ARL6IP6: variants seen among roughly 807,000 people sequenced by gnomAD.
ARL6IP6 encodes the protein ADP-ribosylation factor-like protein 6-interacting protein 6.
Under a neutral mutation model 21.5 loss-of-function variants are expected in ARL6IP6, and 22 were observed. The observed-to-expected ratio is 1.02, with a 90% confidence interval of 0.73 to 1.46. ARL6IP6 has a LOEUF of 1.46. ARL6IP6 is among the 40% of genes most tolerant of loss of function. ARL6IP6 has a pLI of 0.00. For synonymous variants in ARL6IP6, 164 were observed against 125.3 expected, an observed-to-expected ratio of 1.31 and a Z score of -2.06; for missense variants, 388 against 299.8, an observed-to-expected ratio of 1.29 and a Z score of -2.17.
chr2:152,735,693 A>G (rs768667571), intron 3 of ARL6IP6, among the ~76,000 whole-genome samples: 26 of 152,204 alleles, frequency 1.7e-4, no homozygotes, highest in Non-Finnish European at 3.5e-4. Flanking sequence ...TAGTTTATTC[A>G]TGCCAGGAAA....
chr2:152,746,920 G>A (rs1285289970), intron 3 of ARL6IP6, among the ~76,000 whole-genome samples: 1 of 140,584 alleles, frequency 7.1e-6, no homozygotes, highest in African/African-American at 2.7e-5. Context: ...CAACTGCCTG[G>A]GCTCAAACAA....
At chr2:152,753,341 G>A (rs1701426518) in intron 3 of ARL6IP6, among the ~76,000 whole-genome samples, 1 of 152,066 alleles carries the variant, frequency 6.6e-6, no homozygotes, top group Non-Finnish European at 1.5e-5. Context: ...ATGCCTTATT[G>A]GTAAAACATC....
chr2:152,751,948 A>G (rs925846232), intron 3 of ARL6IP6, among the ~76,000 whole-genome samples: 1 of 152,228 alleles, frequency 6.6e-6, no homozygotes, highest in Non-Finnish European at 1.5e-5. Context: ...GAGAAACTTC[A>G]TACTGTTTTC....
At chr2:152,723,368 T>A (rs1699881671) in intron 2 of ARL6IP6, among the ~76,000 whole-genome samples, 1 of 152,256 alleles carries the variant, frequency 6.6e-6, no homozygotes, top group Non-Finnish European at 1.5e-5. Context: ...ATTAGGAACC[T>A]CGTAGCCAAA....
At position 152,759,853 on chromosome 2, in the gene ARL6IP6, G is replaced by A. The variant is rs1701753603; in HGVS notation, c.*13G>A. On this transcript the variant is annotated 3_prime_UTR_variant, in exon 4 of 4. Coordinates refer to ENST00000326446, the MANE Select transcript of ARL6IP6 (RefSeq NM_152522.7). ...GTGCCTCATGTAAACCCACACTGGA[G>A]CGATATTGTTGGCAAAACTTAATCA... is the stretch of plus-strand genomic sequence containing the variant. The A allele has an allele frequency of 4.4e-6, 7 of 1,603,446 alleles. No homozygotes were observed. Among genetic ancestry groups the A allele is most frequent in the South Asian group, 1.1e-5 (1 of 90,718 alleles).
chr2:152,735,075 C>T lies in ARL6IP6; in HGVS notation c.536C>T (p.Ser179Phe), dbSNP rs369276320. 3.3e-5 allele frequency: 53 copies of T among 1,613,492 alleles called. No individual in the cohort carries two copies. In the South Asian group the frequency reaches 5.4e-4, roughly 16 times the overall value. The change falls in exon 3 of 4, where the codon TCT becomes TTT. Residue 179 changes from serine to phenylalanine, a missense_variant. Physicochemically the swap from Ser to Phe is radical, Grantham distance 155. Transcript: ENST00000326446. ...TCTTGGACAGTGACTTACTTTGATT[C>T]TTTTGAACCAGGAATGTTTCCTCCT... ...SFSWTVTYFDSFEPGMFPPTP... is the reference protein window; with the variant it reads ...SFSWTVTYFDFFEPGMFPPTP...
chr2:152,733,150 A>G (rs1700400577), intron 2 of ARL6IP6, among the ~76,000 whole-genome samples: 1 of 152,188 alleles, frequency 6.6e-6, no homozygotes, highest in African/African-American at 2.4e-5. Flanking sequence ...GGTATCTGGT[A>G]TGGATCTAAC....
rs1390016276 is a variant in ARL6IP6, at chr2:152,762,037, C to A, written c.*2197C>A. ...TGACCCTCCTCTCTCCAGTCTGACACAGGGTCCAAATATAAATCATCTATA... is the reference window on the plus strand; with the variant it reads ...TGACCCTCCTCTCTCCAGTCTGACAAAGGGTCCAAATATAAATCATCTATA... On this transcript the variant is annotated 3_prime_UTR_variant, in exon 4 of 4. Coordinates refer to ENST00000326446, the MANE Select transcript of ARL6IP6 (RefSeq NM_152522.7). Among the ~76,000 whole-genome samples the A allele has an allele frequency of 6.6e-6, 1 of 152,144 alleles. No individual in the cohort carries two copies. The highest frequency in any genetic ancestry group is 1.9e-4 in the East Asian group (1 of 5,194).
At chr2:152,737,986 G>A (rs142016105) in intron 3 of ARL6IP6, among the ~76,000 whole-genome samples, 1,692 of 152,184 alleles carry the variant, frequency 0.011, 28 homozygotes, top group African/African-American at 0.039. Flanking sequence ...CTATGAGCCT[G>A]TAAAATTAAA....
chr2:152,737,758 C>T (rs1379852495), intron 3 of ARL6IP6, among the ~76,000 whole-genome samples: 1 of 152,162 alleles, frequency 6.6e-6, no homozygotes, highest in African/African-American at 2.4e-5. Flanking sequence ...CCCACACGGT[C>T]CCTCCCACAA....
intron 3 of ARL6IP6, 73 bp downstream of exon 3, chr2:152,735,199 A>G: frequency 1.3e-6 from 2 of 1,541,344 alleles, no homozygotes; most frequent in Non-Finnish European, 1.8e-6. Context: ...ACTCAGAAGC[A>G]AGAGGCTGAT....
chr2:152,733,839 A>G (rs978949340), intron 2 of ARL6IP6, among the ~76,000 whole-genome samples: 7 of 152,206 alleles, frequency 4.6e-5, no homozygotes, highest in African/African-American at 1.2e-4. Context: ...CTATCCCACT[A>G]GAATTACTTC....
intron 3 of ARL6IP6, among the ~76,000 whole-genome samples, chr2:152,743,157 A>G (rs565067244): frequency 6.6e-6 from 1 of 152,122 alleles, no homozygotes; most frequent in African/African-American, 2.4e-5. Flanking sequence ...CCACTTTAAG[A>G]CTGCACTCCA....
At chr2:152,751,194 G>A (rs958294945) in intron 3 of ARL6IP6, among the ~76,000 whole-genome samples, 4 of 138,846 alleles carry the variant, frequency 2.9e-5, no homozygotes, top group Non-Finnish European at 6.5e-5. Flanking sequence ...AGTTTCCCAC[G>A]TTTGACTTTT....
At chr2:152,747,206 A>G (rs1439277478) in intron 3 of ARL6IP6, among the ~76,000 whole-genome samples, 1 of 152,146 alleles carries the variant, frequency 6.6e-6, no homozygotes, top group African/African-American at 2.4e-5. Flanking sequence ...CTCATTTTAA[A>G]GATTGAGAAT....
intron 2 of ARL6IP6, among the ~76,000 whole-genome samples, chr2:152,727,684 T>C (rs900707519): frequency 1.3e-5 from 2 of 152,238 alleles, no homozygotes; most frequent in African/African-American, 4.8e-5. Context: ...TATTGTTGTA[T>C]TACAGTCGCG....
intron 2 of ARL6IP6, among the ~76,000 whole-genome samples, chr2:152,732,318 T>A (rs963181240): frequency 3.9e-5 from 6 of 152,156 alleles, no homozygotes; most frequent in African/African-American, 1.4e-4. Context: ...ATGAAGAGTT[T>A]CTGTTTATTC....
rs61506535 is a variant in ARL6IP6, at chr2:152,746,821, C to CTTTTTTTTTTTTTTT, written c.587+11705_587+11719dup. On this transcript the variant is annotated intron_variant, in intron 3 of 3. Transcript: ENST00000326446. ...TATTTATCCTGAGATTTTATCCTTT[C>CTTTTTTTTTTTTTTT]TTTTTTTTTTTTTTTTTTTTTTTTG... Among the ~76,000 whole-genome samples, 12 of 33,082 alleles carry CTTTTTTTTTTTTTTT rather than the reference C, an allele frequency of 3.6e-4. 1 individual carries two copies. Among genetic ancestry groups the CTTTTTTTTTTTTTTT allele is most frequent in the Non-Finnish European group, 3.3e-4 (6 of 18,378 alleles). The allele number at this position is 33,082 out of a possible 152,430, so 21.7% of individuals were successfully genotyped here. A position where few individuals can be genotyped will look rare whatever the true frequency, so the allele number is the denominator to read the frequency against.
At chr2:152,740,161 G>A (rs1700741950) in intron 3 of ARL6IP6, among the ~76,000 whole-genome samples, 1 of 152,194 alleles carries the variant, frequency 6.6e-6, no homozygotes, top group Admixed American at 6.5e-5. Context: ...GGAGTGCAGT[G>A]GCATGATCTT....
Sources: gnomAD v4.1 joint callset for allele counts (sites outside exome capture counted in the v4.1 genomes callset) on GRCh38, gnomAD v4.1.1 for gene constraint, MANE v1.5 for transcripts, NCBI Gene and HGNC (gene_info 2026-07-23, HGNC 2026-07-21) for gene names.